ZNF563: variants seen among roughly 807,000 people sequenced by gnomAD.
ZNF563 encodes zinc finger protein 563.
ZNF563 carries 39 observed loss-of-function variants against 48.5 expected under a neutral mutation model. That is an observed-to-expected ratio of 0.80 (90% CI 0.62 to 1.05). The LOEUF (loss-of-function observed/expected upper bound fraction) is 1.05, where lower values mean the gene tolerates loss of function less well. Ranked by LOEUF, ZNF563 falls within the 50% of genes least tolerant of loss-of-function variation. The pLI, the probability that ZNF563 is intolerant of heterozygous loss-of-function variation, is 0.00. For missense variants in ZNF563, 538 were observed against 597.0 expected (o/e 0.90, Z 1.03); for synonymous variants, 168 against 187.9 (o/e 0.89, Z 0.87).
At chr19:12,322,547 C>A (rs1159442444) in intron 2 of ZNF563, 38 bp downstream of exon 2, 1 of 1,557,798 alleles carries the variant, frequency 6.4e-7, no homozygotes, top group South Asian at 1.1e-5. Context: ...AAACAAATGT[C>A]TGTAATTGAT....
upstream of ZNF563, among the ~76,000 whole-genome samples, chr19:12,337,639 T>C (rs186309833): frequency 1.0e-3 from 154 of 152,322 alleles, no homozygotes; most frequent in Non-Finnish European, 1.8e-3. Flanking sequence ...GATTTAACTT[T>C]TCAACAGTTA....
At chr19:12,342,479 A>AAC in the ZNF563 span, among the ~76,000 whole-genome samples, 39 of 135,418 alleles carry the variant, frequency 2.9e-4, no homozygotes, top group African/African-American at 1.3e-3. Context: ...CAAAAAAAAC[A>AAC]AAAAAAAAAG....
At position 12,319,160 on chromosome 19, in the gene ZNF563, C is replaced by T. The variant is rs1968529292; in HGVS notation, c.865G>A (p.Ala289Thr). The change falls in exon 4 of 4, where the codon GCC (alanine) becomes ACC (threonine). Residue 289 changes from alanine (A) to threonine (T), a missense_variant. By Grantham distance (58) the Ala-to-Thr change is moderately conservative. Transcript: ENST00000293725. ...KPYTCKQCGK[A>T]FSVSSSLRRH... ...CGAAGGGAACTGGAAACACTGAAGG[C>T]TTTCCCACACTGTTTACATGTATAT... The T allele has an allele frequency of 1.2e-6, 2 of 1,614,050 alleles. No individual in the cohort carries two copies. The highest frequency in any genetic ancestry group is 1.7e-6 in the Non-Finnish European group (2 of 1,180,002).
At chr19:12,320,408 C>T (rs190498462) in intron 3 of ZNF563, among the ~76,000 whole-genome samples, 6 of 151,048 alleles carry the variant, frequency 4.0e-5, no homozygotes, top group Non-Finnish European at 5.9e-5. Context: ...AGTAGCAGAA[C>T]GATGGTTCAT....
the ZNF563 span, among the ~76,000 whole-genome samples, chr19:12,341,336 G>A: frequency 6.6e-6 from 1 of 152,326 alleles, no homozygotes; most frequent in African/African-American, 2.4e-5. Flanking sequence ...ACAGGCATGA[G>A]CCACTGTGCC....
At position 12,319,561 on chromosome 19, in the gene ZNF563, G is replaced by C; in HGVS notation, c.464C>G (p.Ser155Cys). Residue 155 changes from serine to cysteine, a missense_variant, in exon 4 of 4, where the codon TCC becomes TGC. Transcript: ENST00000293725. ...GTGAGGCCTTCCACGCGACTGAAAG[G>C]AGTGATGGTAACTGAAGGCTTTCCC... Reference protein sequence around the residue: ...QRGKAFSYHHSFQSRGRPHTG... With the variant: ...QRGKAFSYHHCFQSRGRPHTG... 6.2e-7 allele frequency: 1 copy of C among 1,614,188 alleles called. No individual in the cohort carries two copies. Among genetic ancestry groups the C allele is most frequent in the Non-Finnish European group, 8.5e-7 (1 of 1,180,034 alleles).
the ZNF563 span, among the ~76,000 whole-genome samples, chr19:12,341,201 C>T: frequency 6.6e-6 from 1 of 152,072 alleles, no homozygotes; most frequent in African/African-American, 2.4e-5. Context: ...CAGGTGCATG[C>T]CACCAGGCCT....
At chr19:12,338,576 A>C (rs1474896052), upstream of ZNF563, among the ~76,000 whole-genome samples, 1 of 152,122 alleles carries the variant, frequency 6.6e-6, no homozygotes, top group East Asian at 1.9e-4. Flanking sequence ...ACAGTTGGCC[A>C]AGCGCAGTGG....
chr19:12,322,870 C>T (rs1464185285), intron 1 of ZNF563, among the ~76,000 whole-genome samples, 159 bp from the exon 2 acceptor site: 1 of 152,236 alleles, frequency 6.6e-6, no homozygotes, highest in Non-Finnish European at 1.5e-5. Flanking sequence ...TTCTCTCACA[C>T]AGCCATTTTG....
chr19:12,333,686 G>A (rs1599579038), upstream of ZNF563: 1 of 668,284 alleles, frequency 1.5e-6, no homozygotes, highest in Non-Finnish European at 2.4e-6. Context: ...CTTTGAACCT[G>A]GCACCCTACT....
Position 12,333,622 on chromosome 19 carries a change from CAGCG to C in ZNF563, c.-144_-141del. Reference sequence around the variant, plus strand: ...TACACAGACGTTCCAGGGCGTCTCTCAGCGAGCGACTGAGTCTAGAGCTGAGCGC... The same window carrying C: ...TACACAGACGTTCCAGGGCGTCTCTCAGCGACTGAGTCTAGAGCTGAGCGC... On this transcript the variant is annotated 5_prime_UTR_variant, in exon 1 of 4. Coordinates refer to ENST00000293725, the MANE Select transcript of ZNF563 (RefSeq NM_145276.3). 7.7e-7 allele frequency: 1 copy of C among 1,295,320 alleles called. No individual in the cohort carries two copies. The highest frequency in any genetic ancestry group is 2.5e-5 in the East Asian group (1 of 39,528). 80.2% of individuals were successfully genotyped at this position (1,295,320 alleles called of 1,614,324 possible). A position where few individuals can be genotyped will look rare whatever the true frequency, so the allele number is the denominator to read the frequency against.
Position 12,318,097 on chromosome 19 carries a change from G to T in ZNF563, c.*497C>A, listed in dbSNP as rs903381823. ...GGCTCACTGCAACCCCCACCCCTTG[G>T]GCTCAAGAGATCTTCCCACCTCAGC... On this transcript the variant is annotated 3_prime_UTR_variant, in exon 4 of 4. Transcript: ENST00000293725. The T allele has an allele frequency of 1.2e-5, 2 of 165,442 alleles. No individual in the cohort carries two copies. Among genetic ancestry groups the T allele is most frequent in the African/African-American group, 2.4e-5 (1 of 41,406 alleles). The allele number at this position is 165,442 out of a possible 1,614,324, so 10.2% of individuals were successfully genotyped here.
rs1270660108 is a variant in ZNF563, at chr19:12,317,925, T to A, written c.*669A>T. ...TCTCTCCAGTGAGTCCTTTTATGTC[T>A]ATGCAAGGACCTGAGAGAACTCAAT... On this transcript the variant is annotated 3_prime_UTR_variant, in exon 4 of 4. Transcript: ENST00000293725. The A allele has an allele frequency of 5.0e-6, 1 of 200,442 alleles. No individual in the cohort carries two copies. Among genetic ancestry groups the A allele is most frequent in the Admixed American group, 4.9e-5 (1 of 20,570 alleles). The allele number at this position is 200,442 out of a possible 1,614,324, so 12.4% of individuals were successfully genotyped here.
At chr19:12,343,200 G>GA in the ZNF563 span, among the ~76,000 whole-genome samples, 346 of 138,842 alleles carry the variant, frequency 2.5e-3, 1 homozygote, top group African/African-American at 8.2e-3. Flanking sequence ...GTCTCAAAAG[G>GA]AAAAAAAAAA....
At chr19:12,321,570 G>A (rs765299798) in intron 2 of ZNF563, among the ~76,000 whole-genome samples, 4 of 152,052 alleles carry the variant, frequency 2.6e-5, no homozygotes, top group South Asian at 4.1e-4. Context: ...TCAGCCTTCC[G>A]AGTAGCTGGG....
the ZNF563 span, among the ~76,000 whole-genome samples, chr19:12,339,860 C>G: frequency 2.0e-5 from 3 of 152,112 alleles, no homozygotes; most frequent in African/African-American, 7.2e-5. Context: ...CAAAGAGAAA[C>G]GCATAAATGC....
chr19:12,321,653 C>T (rs539448058), intron 2 of ZNF563, among the ~76,000 whole-genome samples: 2 of 152,322 alleles, frequency 1.3e-5, no homozygotes, highest in South Asian at 2.1e-4. Flanking sequence ...CCATGTTGGT[C>T]AGGCTGGTCT....
chr19:12,321,072 C>T (rs1301898064), intron 3 of ZNF563, among the ~76,000 whole-genome samples, 200 bp downstream of exon 3: 1 of 151,382 alleles, frequency 6.6e-6, no homozygotes, highest in Non-Finnish European at 1.5e-5. Flanking sequence ...CCTGGGAGGT[C>T]GAGTCTTCAG....
upstream of ZNF563, among the ~76,000 whole-genome samples, chr19:12,334,401 C>CAG (rs112726822): frequency 0.049 from 7,382 of 152,178 alleles, 589 homozygotes; most frequent in African/African-American, 0.17. Context: ...ACTTGGCAGC[C>CAG]ACTCTTAACT....
Sources: allele counts gnomAD v4.1 joint callset (sites outside exome capture counted in the v4.1 genomes callset), GRCh38; gene constraint gnomAD v4.1.1; transcripts MANE v1.5; gene names NCBI Gene and HGNC (gene_info 2026-07-23, HGNC 2026-07-21).